Variants in GRAMD1A observed in about 807,000 individuals in gnomAD.
GRAMD1A encodes the protein GRAM domain containing 1A, also known as protein Aster-A.
In GRAMD1A, 50 loss-of-function variants were observed where a neutral mutation model predicts 92.0. That is an observed-to-expected ratio of 0.54 (90% CI 0.43 to 0.69). The LOEUF (loss-of-function observed/expected upper bound fraction) is 0.69, where lower values mean the gene tolerates loss of function less well. Ranked by LOEUF, GRAMD1A falls within the 30% of genes least tolerant of loss-of-function variation. The probability of loss-of-function intolerance (pLI) is 0.00; values close to 1 mark genes in which losing one functional copy is unlikely to be tolerated. For synonymous variants in GRAMD1A, 405 were observed against 403.6 expected (o/e 1.00, Z -0.04); for missense variants, 819 against 978.9 (o/e 0.84, Z 2.18).
intron 3 of GRAMD1A, 21 bp downstream of exon 3, chr19:35,009,464 C>T: frequency 1.2e-6 from 2 of 1,613,462 alleles, no homozygotes; most frequent in Non-Finnish European, 8.5e-7. Flanking sequence ...GGGCAAGGGG[C>T]TTGCTGGAGG....
chr19:35,007,041 G>A (rs1428439693), intron 1 of GRAMD1A, among the ~76,000 whole-genome samples: 1 of 152,302 alleles, frequency 6.6e-6, no homozygotes, highest in Admixed American at 6.5e-5. Context: ...AGGAAGGACA[G>A]GGAGAGGGAG....
At position 35,009,123 on chromosome 19, in the gene GRAMD1A, A is replaced by G; in HGVS notation, c.13A>G (p.Thr5Ala). Residue 5 changes from threonine to alanine, a missense_variant, in exon 2 of 20, where the codon ACA becomes GCA. Thr to Ala is a moderately conservative substitution (Grantham distance 58). Coordinates refer to ENST00000317991, the MANE Select transcript of GRAMD1A (RefSeq NM_020895.5). The part of the protein sequence containing the change: MFDT[T>A]PHSGRSTPSS... ...TCTTCCTCTTCCTGCCCCCAGCACC[A>G]CACCCCACTCTGGCCGGAGCACGCC... 1 of 1,610,056 alleles carries G rather than the reference A, an allele frequency of 6.2e-7. No individual in the cohort carries two copies. Among genetic ancestry groups the G allele is most frequent in the Non-Finnish European group, 8.5e-7 (1 of 1,176,770 alleles).
intron 19 of GRAMD1A, 122 bp from the exon 20 acceptor site, chr19:35,025,927 C>A (rs1029024050): frequency 4.6e-5 from 31 of 674,716 alleles, no homozygotes; most frequent in Admixed American, 2.9e-4. Flanking sequence ...CCAAGGGACC[C>A]TGGGGTGGGG....
Position 35,022,826 on chromosome 19 carries a change from AG to A in GRAMD1A, c.1842-72del. 10 of 1,511,790 alleles carry A rather than the reference AG, an allele frequency of 6.6e-6. No homozygotes were observed. The South Asian group carries it at 1.2e-4, about 19-fold the overall frequency. 93.6% of individuals were successfully genotyped at this position (1,511,790 alleles called of 1,614,324 possible). ...TCTCAGCCAAGAGCTGCCCCGGGTGAGGAGGGCTGGGGGTGTCGGGGGCAGG... is the reference window on the plus strand; with the variant it reads ...TCTCAGCCAAGAGCTGCCCCGGGTGAGAGGGCTGGGGGTGTCGGGGGCAGG... On this transcript the variant is annotated intron_variant, in intron 16 of 19. Coordinates refer to ENST00000317991, the MANE Select transcript of GRAMD1A (RefSeq NM_020895.5).
At chr19:35,024,654 G>T (rs2016311840) in intron 19 of GRAMD1A, among the ~76,000 whole-genome samples, 1 of 151,764 alleles carries the variant, frequency 6.6e-6, no homozygotes, top group Non-Finnish European at 1.5e-5. Context: ...ATCTTTAGGG[G>T]TCTCATTGCC....
intron 1 of GRAMD1A, among the ~76,000 whole-genome samples, chr19:35,007,751 C>G (rs965071056): frequency 1.3e-5 from 2 of 151,882 alleles, no homozygotes; most frequent in Admixed American, 1.3e-4. Flanking sequence ...TGTGTACCTG[C>G]AGTCCCAGCT....
At position 35,000,390 on chromosome 19, in the gene GRAMD1A, G is replaced by T; in HGVS notation, c.-89G>T. ...GAAGGCCAGGCCGGTGCCCTGCGGG[G>T]ACGCCCAGCGCAGCCCAGCCCCGCG... is the stretch of plus-strand genomic sequence containing the variant. On this transcript the variant is annotated 5_prime_UTR_variant, in exon 1 of 20. Coordinates refer to ENST00000317991, the MANE Select transcript of GRAMD1A (RefSeq NM_020895.5). This position sits in a 1 kb window ranked among gnomAD's most constrained non-coding sequence, Gnocchi z 4.9. The T allele has an allele frequency of 8.7e-7, 1 of 1,153,442 alleles. No homozygotes were observed. 71.5% of individuals were successfully genotyped at this position (1,153,442 alleles called of 1,614,324 possible).
rs1488806216 is a variant in GRAMD1A, at chr19:35,000,858, C to T, written c.8+372C>T. ...GCGCGAGGCCGAACTGGGGCTCCGG[C>T]CTGGGATGGAGACAGGATCGGGACC... On this transcript the variant is annotated intron_variant, in intron 1 of 19. Transcript: ENST00000317991. The surrounding 1 kb of genome is among the most constrained non-coding windows in gnomAD (Gnocchi z 4.9). Among the ~76,000 whole-genome samples, 1 of 152,078 alleles carries T rather than the reference C, an allele frequency of 6.6e-6. No individual in the cohort carries two copies. The highest frequency in any genetic ancestry group is 1.5e-5 in the Non-Finnish European group (1 of 67,990).
At chr19:34,998,809 G>C (rs182530896), upstream of GRAMD1A, among the ~76,000 whole-genome samples, 118 of 151,312 alleles carry the variant, frequency 7.8e-4, no homozygotes, top group Middle Eastern at 0.027. Context: ...ACGGCGATAG[G>C]GGGGGTGCTG....
At position 35,013,746 on chromosome 19, in the gene GRAMD1A, TG is replaced by T; in HGVS notation, c.870+60del. On this transcript the variant is annotated intron_variant, in intron 9 of 19. Transcript: ENST00000317991. This position sits in a 1 kb window ranked among gnomAD's most constrained non-coding sequence, Gnocchi z 4.9. Reference sequence around the variant, plus strand: ...TACTGATAGGAAGAGAGAGGAGGGCTGGGGGTGCAGTGGGAGAAGAACAGCC... The same window carrying T: ...TACTGATAGGAAGAGAGAGGAGGGCTGGGGTGCAGTGGGAGAAGAACAGCC... 1 of 1,523,158 alleles carries T rather than the reference TG, an allele frequency of 6.6e-7. No individual in the cohort carries two copies. Among genetic ancestry groups the T allele is most frequent in the Non-Finnish European group, 9.0e-7 (1 of 1,116,948 alleles). The allele number at this position is 1,523,158 out of a possible 1,614,324, so 94.4% of individuals were successfully genotyped here. A position where few individuals can be genotyped will look rare whatever the true frequency, so the allele number is the denominator to read the frequency against.
At chr19:35,008,621 C>G (rs1422728640) in intron 1 of GRAMD1A, among the ~76,000 whole-genome samples, 1 of 152,164 alleles carries the variant, frequency 6.6e-6, no homozygotes, top group Non-Finnish European at 1.5e-5. Flanking sequence ...GAGTTTGAGA[C>G]CAGCCCAGCC....
upstream of GRAMD1A, chr19:35,000,318 C>T (rs551723969): frequency 3.2e-4 from 338 of 1,054,192 alleles, 1 homozygote; most frequent in South Asian, 9.7e-3. This position sits in a 1 kb window ranked among gnomAD's most constrained non-coding sequence, Gnocchi z 4.9. Flanking sequence ...TCCGGCGGCT[C>T]CGGCCTTTTG....
At chr19:35,025,997 A>T in intron 19 of GRAMD1A, 52 bp from the exon 20 acceptor site, 2 of 902,680 alleles carry the variant, frequency 2.2e-6, no homozygotes, top group Non-Finnish European at 3.7e-6. Context: ...GGGCGACATC[A>T]CCCCCCAGCC....
intron 13 of GRAMD1A, among the ~76,000 whole-genome samples, chr19:35,020,665 A>G (rs1391943376): frequency 8.0e-6 from 1 of 124,690 alleles, no homozygotes; most frequent in Non-Finnish European, 1.6e-5. Flanking sequence ...TCTCAAAAAA[A>G]AAAAAAAAAA....
At chr19:35,022,834 T>C in intron 16 of GRAMD1A, 66 bp from the exon 17 acceptor site, 1 of 1,548,672 alleles carries the variant, frequency 6.5e-7, no homozygotes, top group Non-Finnish European at 8.8e-7. Context: ...TGAGGAGGGC[T>C]GGGGGTGTCG....
Position 35,010,394 on chromosome 19 carries a change from G to C in GRAMD1A, c.525+15G>C. The C allele has an allele frequency of 6.3e-7, 1 of 1,579,588 alleles. No individual in the cohort carries two copies. The highest frequency in any genetic ancestry group is 2.2e-5 in the East Asian group (1 of 44,710). On this transcript the variant is annotated intron_variant, in intron 6 of 19. Transcript: ENST00000317991. Reference sequence around the variant, plus strand: ...AGAGCGAGAAGGTGACGGAGGACCCGGTGACGGGACCACGCGGTCCCCCGC... The same window carrying C: ...AGAGCGAGAAGGTGACGGAGGACCCCGTGACGGGACCACGCGGTCCCCCGC...
Position 35,014,136 on chromosome 19 carries a change from G to T in GRAMD1A, c.871-53G>T, listed in dbSNP as rs188258301. On this transcript the variant is annotated intron_variant, in intron 9 of 19. Coordinates refer to ENST00000317991, the MANE Select transcript of GRAMD1A (RefSeq NM_020895.5). The stretch of plus-strand genomic sequence containing the variant: ...CCTTGTGGCCAGTGTGGACTTGGGA[G>T]CCCTGGGGCTGGGATGGAGGTGGCC... 3.4e-5 allele frequency: 51 copies of T among 1,511,750 alleles called. No individual in the cohort carries two copies. In the East Asian group the frequency reaches 1.1e-3, roughly 33 times the overall value. 93.6% of individuals were successfully genotyped at this position (1,511,750 alleles called of 1,614,324 possible). A position where few individuals can be genotyped will look rare whatever the true frequency, so the allele number is the denominator to read the frequency against.
At position 35,010,348 on chromosome 19, in the gene GRAMD1A, A is replaced by G; in HGVS notation, c.494A>G (p.Asn165Ser). ...KKEKTAKLIP[N>S]AIQICTESEK... is the part of the protein sequence containing the mutation. ...GAAAAGACGGCCAAGCTGATCCCCA[A>G]CGCCATCCAGATCTGCACGGAGAGC... The change falls in exon 6 of 20, where the codon AAC becomes AGC. Residue 165 changes from asparagine (N) to serine (S), a missense_variant. Asn to Ser is a conservative substitution (Grantham distance 46). This residue lies in a region of GRAMD1A where 144 missense variants were observed against 220.3 expected (regional missense o/e 0.65). Transcript: ENST00000317991. 1 of 1,613,456 alleles carries G rather than the reference A, an allele frequency of 6.2e-7. No individual in the cohort carries two copies. The highest frequency in any genetic ancestry group is 8.5e-7 in the Non-Finnish European group (1 of 1,179,380).
rs1181444559 is a variant in GRAMD1A, at chr19:35,013,219, G to T, written c.607-37G>T. 3 of 1,153,738 alleles carry T rather than the reference G, an allele frequency of 2.6e-6. No homozygotes were observed. In the South Asian group the frequency reaches 4.0e-5, roughly 15 times the overall value. 71.5% of individuals were successfully genotyped at this position (1,153,738 alleles called of 1,614,324 possible). Reference sequence around the variant, plus strand: ...TCTGGCGGGCCGGGCTCTGGCTGGGGTGAGATGGAGGCCAACCCCAGGTCC... The same window carrying T: ...TCTGGCGGGCCGGGCTCTGGCTGGGTTGAGATGGAGGCCAACCCCAGGTCC... On this transcript the variant is annotated intron_variant, in intron 7 of 19. Coordinates refer to ENST00000317991, the MANE Select transcript of GRAMD1A (RefSeq NM_020895.5). This position sits in a 1 kb window ranked among gnomAD's most constrained non-coding sequence, Gnocchi z 4.9.
Sources: gnomAD v4.1 joint callset for allele counts (sites outside exome capture counted in the v4.1 genomes callset) on GRCh38, gnomAD v4.1.1 for gene constraint, gnomAD v4.1.1 regional missense constraint, Gnocchi (gnomAD v3.1) non-coding constraint, MANE v1.5 for transcripts, NCBI Gene and HGNC (gene_info 2026-07-23, HGNC 2026-07-21) for gene names.